GRM7: variants seen among roughly 807,000 people sequenced by gnomAD.
GRM7 encodes metabotropic glutamate receptor 7.
A neutral mutation model predicts 84.5 loss-of-function variants in GRM7; 35 were observed. The observed-to-expected ratio is 0.41, with a 90% CI of 0.32 to 0.55. GRM7 has a LOEUF of 0.55. Among genes scored for constraint, GRM7 ranks in the 20% least tolerant of loss-of-function variants. The pLI is 0.19. For synonymous variants in GRM7, 487 were observed against 455.1 expected (o/e 1.07, Z -0.89); for missense variants, 1,003 against 1,194.6 (o/e 0.84, Z 2.36).
At position 6,863,973 on chromosome 3, in the gene GRM7, T is replaced by C. The variant is rs1183616539; in HGVS notation, c.519+2066T>C. On this transcript the variant is annotated intron_variant, in intron 1 of 9. Transcript: ENST00000357716. The surrounding 1 kb of genome is among the most constrained non-coding windows in gnomAD (Gnocchi z 4.8). ...TTCCAGGGGGAGCTGATTCCTTCTC[T>C]GGTGTGTGAACCTGAGGCAACTTGC... is the stretch of plus-strand genomic sequence containing the variant. Among the ~76,000 whole-genome samples the C allele has an allele frequency of 6.6e-6, 1 of 151,974 alleles. No individual in the cohort carries two copies. Among genetic ancestry groups the C allele is most frequent in the Admixed American group, 6.6e-5 (1 of 15,258 alleles).
intron 9 of GRM7, 60 bp from the exon 10 acceptor site, chr3:7,740,297 A>G (rs1702645346): frequency 9.1e-7 from 1 of 1,096,154 alleles, no homozygotes; most frequent in African/African-American, 1.6e-5. Context: ...TTCTAATTCT[A>G]TTTCTACCTT....
chr3:6,990,568 T>C (rs1351978191), intron 1 of GRM7, among the ~76,000 whole-genome samples: 3 of 152,142 alleles, frequency 2.0e-5, no homozygotes, highest in Non-Finnish European at 4.4e-5. Context: ...CTGAGTTGGC[T>C]TGGGGTGAGA....
intron 2 of GRM7, among the ~76,000 whole-genome samples, chr3:7,181,609 A>T (rs182622713): frequency 1.6e-3 from 244 of 151,980 alleles, no homozygotes; most frequent in African/African-American, 5.6e-3. Context: ...TAAAATATTT[A>T]TTTATTTATT....
chr3:7,609,025 A>G (rs759665953), intron 8 of GRM7, among the ~76,000 whole-genome samples: 3 of 152,154 alleles, frequency 2.0e-5, no homozygotes, highest in Non-Finnish European at 4.4e-5. Flanking sequence ...AGATGGTCAT[A>G]CATGTGCAGC....
At chr3:7,287,931 G>A (rs1022031394) in intron 2 of GRM7, among the ~76,000 whole-genome samples, 3 of 152,056 alleles carry the variant, frequency 2.0e-5, no homozygotes, top group African/African-American at 7.2e-5. Flanking sequence ...GCATGCAGAG[G>A]TCCCTAATTC....
intron 1 of GRM7, among the ~76,000 whole-genome samples, chr3:6,918,368 G>A (rs1027762832): frequency 1.1e-4 from 17 of 152,114 alleles, no homozygotes; most frequent in African/African-American, 3.9e-4. Context: ...TTCCTCCTTC[G>A]TGTTACTTAA....
At chr3:7,381,666 T>A (rs2125130411) in intron 4 of GRM7, among the ~76,000 whole-genome samples, 1 of 152,320 alleles carries the variant, frequency 6.6e-6, no homozygotes, top group South Asian at 2.1e-4. Context: ...GTGGGAATAA[T>A]AATAGTGACT....
chr3:7,064,481 C>CAT (rs1697564963), intron 1 of GRM7, among the ~76,000 whole-genome samples: 1 of 56,302 alleles, frequency 1.8e-5, no homozygotes, highest in Non-Finnish European at 3.4e-5. Flanking sequence ...TATATATATA[C>CAT]ACACATATAC....
At position 7,305,349 on chromosome 3, in the gene GRM7, T is replaced by C. The variant is rs532426283; in HGVS notation, c.879-1149T>C. ...CTGCTGCTTTTTTTTTTTTCTTTTT[T>C]TTTTTTTTTAATTATACTTTAAGTT... On this transcript the variant is annotated intron_variant, in intron 3 of 9. Transcript: ENST00000357716. Among the ~76,000 whole-genome samples, 194 of 52,032 alleles carry C rather than the reference T, an allele frequency of 3.7e-3. 29 individuals are homozygous for C. Among genetic ancestry groups the C allele is most frequent in the African/African-American group, 9.1e-3 (181 of 19,846 alleles). The allele number at this position is 52,032 out of a possible 152,430, so 34.1% of individuals were successfully genotyped here. A position where few individuals can be genotyped will look rare whatever the true frequency, so the allele number is the denominator to read the frequency against.
intron 1 of GRM7, among the ~76,000 whole-genome samples, chr3:7,118,219 C>G (rs1335918028): frequency 6.6e-6 from 1 of 151,778 alleles, no homozygotes; most frequent in Non-Finnish European, 1.5e-5. Flanking sequence ...GACCCTGTCT[C>G]TACAAAAAAT....
intron 2 of GRM7, among the ~76,000 whole-genome samples, chr3:7,202,941 T>A (rs1419078478): frequency 6.6e-6 from 1 of 152,044 alleles, no homozygotes; most frequent in East Asian, 1.9e-4. Context: ...CATTGACACA[T>A]AACATTTTCT....
At chr3:7,619,996 A>G (rs1184218974) in intron 8 of GRM7, among the ~76,000 whole-genome samples, 2 of 152,126 alleles carry the variant, frequency 1.3e-5, no homozygotes, top group East Asian at 3.9e-4. Context: ...ATATAGACCA[A>G]AAATCCTGAC....
chr3:7,254,289 T>C (rs1302288721), intron 2 of GRM7, among the ~76,000 whole-genome samples: 1 of 152,194 alleles, frequency 6.6e-6, no homozygotes, highest in East Asian at 1.9e-4. Flanking sequence ...ATTTTCACTT[T>C]GCACTGGGTC....
At chr3:7,081,129 A>G (rs977568339) in intron 1 of GRM7, among the ~76,000 whole-genome samples, 1 of 152,046 alleles carries the variant, frequency 6.6e-6, no homozygotes, top group African/African-American at 2.4e-5. Flanking sequence ...TCCTTGTAGG[A>G]TATAAGTACA....
chr3:7,405,605 A>C (rs1695640824), intron 4 of GRM7, among the ~76,000 whole-genome samples: 1 of 152,176 alleles, frequency 6.6e-6, no homozygotes, highest in African/African-American at 2.4e-5. Context: ...TGTAAAAATT[A>C]GGTGTGTTTA....
At chr3:7,634,479 C>CAAAAT in intron 8 of GRM7, among the ~76,000 whole-genome samples, 1 of 30,334 alleles carries the variant, frequency 3.3e-5, no homozygotes, top group Non-Finnish European at 5.2e-5. Context: ...ACTTTTTTTC[C>CAAAAT]AAAAAAAAAA....
intron 1 of GRM7, among the ~76,000 whole-genome samples, chr3:6,948,441 C>A (rs757732668): frequency 2.6e-5 from 4 of 152,080 alleles, no homozygotes; most frequent in Admixed American, 1.3e-4. Flanking sequence ...AATTTCTGTT[C>A]TTTTACATTT....
chr3:7,504,316 C>A (rs1301848450), intron 7 of GRM7, among the ~76,000 whole-genome samples: 3 of 152,148 alleles, frequency 2.0e-5, no homozygotes, highest in African/African-American at 7.2e-5. Context: ...CTTCTTCCCT[C>A]TAGGTAGCAT....
intron 8 of GRM7, among the ~76,000 whole-genome samples, chr3:7,606,355 G>A (rs970284506): frequency 1.3e-5 from 2 of 152,064 alleles, no homozygotes; most frequent in Non-Finnish European, 1.5e-5. Flanking sequence ...TGTCCTGAAA[G>A]CCTTATGGTT....
Sources: gnomAD v4.1 joint callset for allele counts (sites outside exome capture counted in the v4.1 genomes callset) on GRCh38, gnomAD v4.1.1 for gene constraint, Gnocchi (gnomAD v3.1) non-coding constraint, MANE v1.5 for transcripts, NCBI Gene and HGNC (gene_info 2026-07-23, HGNC 2026-07-21) for gene names.